The following MED27 variants were observed in gnomAD, a reference collection of about 807,000 sequenced individuals.
MED27 encodes the protein mediator complex subunit 27.
In MED27, 30 loss-of-function variants were observed where a neutral mutation model predicts 38.2. The ratio of observed to expected loss-of-function variants is 0.79; its 90% confidence interval spans 0.59 to 1.07. MED27 has a LOEUF of 1.07. MED27 is among the 50% of genes least tolerant of loss of function. The pLI, the probability that MED27 is intolerant of heterozygous loss-of-function variation, is 0.00. For synonymous variants in MED27, 122 were observed against 153.5 expected (o/e 0.79, Z 1.52); for missense variants, 289 against 397.5 (o/e 0.73, Z 2.32).
chr9:132,005,940 A>C (rs1176220731), intron 3 of MED27, among the ~76,000 whole-genome samples: 2 of 152,228 alleles, frequency 1.3e-5, no homozygotes, highest in Non-Finnish European at 2.9e-5. Context: ...TCCATGTTCT[A>C]GAATGCAAAC....
At chr9:131,932,682 A>G (rs1247698558) in intron 4 of MED27, among the ~76,000 whole-genome samples, 1 of 152,166 alleles carries the variant, frequency 6.6e-6, no homozygotes, top group East Asian at 1.9e-4. Flanking sequence ...GAATTCTACC[A>G]AACATTTAAA....
chr9:131,936,132 C>CAA (rs748150201), intron 4 of MED27, among the ~76,000 whole-genome samples: 3 of 84,294 alleles, frequency 3.6e-5, no homozygotes, highest in African/African-American at 8.9e-5. Flanking sequence ...GACCCTGTCT[C>CAA]AAAAAAAAAA....
intron 2 of MED27, chr9:132,073,635 T>C: frequency 1.4e-6 from 2 of 1,453,252 alleles, no homozygotes; most frequent in Non-Finnish European, 1.8e-6. Flanking sequence ...TGCAGTAACT[T>C]AGTCATTAAG....
intron 2 of MED27, among the ~76,000 whole-genome samples, chr9:132,046,788 C>G (rs1833350648): frequency 6.6e-6 from 1 of 152,216 alleles, no homozygotes. Context: ...CACATACGCA[C>G]ATACACACAC....
chr9:131,956,488 C>T (rs1314100951), intron 3 of MED27, among the ~76,000 whole-genome samples: 4 of 152,012 alleles, frequency 2.6e-5, no homozygotes, highest in South Asian at 2.1e-4. Context: ...TGATGGCAGG[C>T]GCCTGTAATT....
intron 4 of MED27, among the ~76,000 whole-genome samples, chr9:131,921,366 C>T (rs529033166): frequency 2.6e-5 from 4 of 152,288 alleles, no homozygotes; most frequent in African/African-American, 9.6e-5. Context: ...TGGTTGCTAC[C>T]CAATTTTCTG....
chr9:131,987,836 G>A (rs1831886844), intron 3 of MED27, among the ~76,000 whole-genome samples: 2 of 152,238 alleles, frequency 1.3e-5, no homozygotes, highest in Non-Finnish European at 2.9e-5. Flanking sequence ...AGTGGGGAAA[G>A]CAGTCAAGTA....
At chr9:132,023,986 C>T (rs1832767652) in intron 2 of MED27, among the ~76,000 whole-genome samples, 1 of 152,124 alleles carries the variant, frequency 6.6e-6, no homozygotes, top group Admixed American at 6.5e-5. Context: ...TACGAGGAGG[C>T]AACGGGTCCA....
intron 3 of MED27, among the ~76,000 whole-genome samples, chr9:131,981,007 C>A (rs1831724160): frequency 6.6e-6 from 1 of 152,152 alleles, no homozygotes; most frequent in Admixed American, 6.5e-5. Flanking sequence ...GGTTTTCACA[C>A]ACACAAAAAA....
intron 2 of MED27, among the ~76,000 whole-genome samples, chr9:132,042,608 G>T (rs1833243545): frequency 1.3e-5 from 2 of 152,182 alleles, no homozygotes; most frequent in African/African-American, 4.8e-5. Context: ...ATGCCAAGAA[G>T]AACACTAAGC....
chr9:132,047,592 C>T (rs887958410), intron 2 of MED27, among the ~76,000 whole-genome samples: 4 of 151,746 alleles, frequency 2.6e-5, no homozygotes, highest in Non-Finnish European at 5.9e-5. Flanking sequence ...ATCATTCTTC[C>T]GAGACTCTAT....
At chr9:131,912,669 C>T (rs1830213365) in intron 4 of MED27, among the ~76,000 whole-genome samples, 2 of 152,292 alleles carry the variant, frequency 1.3e-5, no homozygotes, top group Admixed American at 6.5e-5. Flanking sequence ...GACGTTTAAT[C>T]GCTCCCAGTT....
chr9:131,986,594 G>C (rs1249168028), intron 3 of MED27, among the ~76,000 whole-genome samples: 1 of 152,074 alleles, frequency 6.6e-6, no homozygotes, highest in East Asian at 1.9e-4. Flanking sequence ...TACTCACTAT[G>C]GTACCATGCT....
At chr9:131,864,473 G>C (rs1218788328) in intron 6 of MED27, among the ~76,000 whole-genome samples, 2 of 152,152 alleles carry the variant, frequency 1.3e-5, no homozygotes, top group African/African-American at 4.8e-5. Context: ...ACAGAGACCT[G>C]TCTCAAACAA....
intron 6 of MED27, chr9:131,868,793 G>A (rs891350108): frequency 3.0e-6 from 3 of 985,360 alleles, no homozygotes; most frequent in Non-Finnish European, 3.6e-6. Flanking sequence ...CATCTCCCAG[G>A]GCAGGTAAGT....
intron 2 of MED27, among the ~76,000 whole-genome samples, chr9:132,062,597 GAGA>G (rs1379511863): frequency 6.7e-6 from 1 of 148,544 alleles, no homozygotes; most frequent in Admixed American, 6.8e-5. Context: ...TCCTGAGCAC[GAGA>G]AGGAGTCATC....
chr9:131,914,341 T>A (rs1273864521), intron 4 of MED27, among the ~76,000 whole-genome samples: 1 of 152,156 alleles, frequency 6.6e-6, no homozygotes, highest in African/African-American at 2.4e-5. Flanking sequence ...CTGACTGAGG[T>A]TAAATTTTGG....
At chr9:131,884,433 G>T (rs1839102324) in intron 5 of MED27, among the ~76,000 whole-genome samples, 1 of 152,106 alleles carries the variant, frequency 6.6e-6, no homozygotes, top group Non-Finnish European at 1.5e-5. Flanking sequence ...GGTCAATGCT[G>T]CCTCAGGCCC....
At chr9:132,031,495 T>G (rs1010673298) in intron 2 of MED27, among the ~76,000 whole-genome samples, 6 of 152,066 alleles carry the variant, frequency 3.9e-5, no homozygotes, top group Non-Finnish European at 8.8e-5. Context: ...TGGGCAAGTA[T>G]CCAAGGAAAG....
Sources: gnomAD v4.1 joint callset for allele counts (sites outside exome capture counted in the v4.1 genomes callset) on GRCh38, gnomAD v4.1.1 for gene constraint, MANE v1.5 for transcripts, NCBI Gene and HGNC (gene_info 2026-07-23, HGNC 2026-07-21) for gene names.